Variants in SLC22A23 observed in about 807,000 individuals in gnomAD.
The protein encoded by SLC22A23 is solute carrier family 22 member 23, also known as ion transporter protein.
Under a neutral mutation model 61.0 loss-of-function variants are expected in SLC22A23, and 26 were observed. The ratio of observed to expected loss-of-function variants is 0.43; its 90% CI spans 0.31 to 0.59. SLC22A23 has a LOEUF of 0.59. SLC22A23 is among the 20% of genes least tolerant of loss of function. SLC22A23 has a pLI of 0.11. For missense variants in SLC22A23, 796 were observed against 934.7 expected (o/e 0.85, Z 1.94); for synonymous variants, 430 against 413.9 (o/e 1.04, Z -0.47).
At chr6:3,378,480 T>C (rs1766727009) in intron 3 of SLC22A23, among the ~76,000 whole-genome samples, 1 of 152,146 alleles carries the variant, frequency 6.6e-6, no homozygotes, top group South Asian at 2.1e-4. Flanking sequence ...TGAAAAGCCA[T>C]CACTTCCTCT....
chr6:3,365,607 A>T (rs1278705333), intron 3 of SLC22A23, among the ~76,000 whole-genome samples: 1 of 152,178 alleles, frequency 6.6e-6, no homozygotes, highest in African/African-American at 2.4e-5. Flanking sequence ...TCTGGCAAAG[A>T]GCTAACACTA....
chr6:3,453,450 CGA>C (rs1029755871), intron 1 of SLC22A23, among the ~76,000 whole-genome samples: 6 of 152,044 alleles, frequency 3.9e-5, no homozygotes, highest in Non-Finnish European at 8.8e-5. Context: ...ATGCAGAAGG[CGA>C]GAGAGGCTGG....
chr6:3,376,756 C>T (rs1766595259), intron 3 of SLC22A23, among the ~76,000 whole-genome samples: 1 of 152,124 alleles, frequency 6.6e-6, no homozygotes, highest in Non-Finnish European at 1.5e-5. Flanking sequence ...AGTGAGAAGG[C>T]ATCCTGTAAG....
rs1031870110 is a variant in SLC22A23 at position 3,300,594 on chromosome 6, G to A, written c.1083-2376C>T. ...GACCTCTCAGCCTCCAGAACTGTGA[G>A]CAATAAATTTCTGTTGTTTATAAAT... On this transcript the variant is annotated intron_variant, in intron 4 of 9. Transcript: ENST00000406686. Among the ~76,000 whole-genome samples, 95 of 152,312 alleles carry A rather than the reference G, an allele frequency of 6.2e-4. 1 individual carries two copies. Among genetic ancestry groups the A allele is most frequent in the African/African-American group, 2.2e-3 (92 of 41,564 alleles).
At chr6:3,416,049 T>G (rs1769678112) in intron 1 of SLC22A23, among the ~76,000 whole-genome samples, 194 bp from the exon 2 acceptor site, 1 of 152,222 alleles carries the variant, frequency 6.6e-6, no homozygotes, top group Admixed American at 6.5e-5. Flanking sequence ...CAAAAGGAAA[T>G]GTAACATTTT....
chr6:3,395,450 A>C lies in SLC22A23; in HGVS notation c.913+14738T>G, dbSNP rs1305461922. ...ATCAGCTTCATTAGCAAGAAGAGTA[A>C]TAGGAAAACAGGCAATAACGAATGC... On this transcript the variant is annotated intron_variant, in intron 3 of 9. Transcript: ENST00000406686. Among the ~76,000 whole-genome samples, 3 of 152,250 alleles carry C rather than the reference A, an allele frequency of 2.0e-5. No individual in the cohort carries two copies. In the East Asian group the frequency reaches 5.8e-4, roughly 29 times the overall value.
At chr6:3,450,152 G>C (rs1191993540) in intron 1 of SLC22A23, among the ~76,000 whole-genome samples, 1 of 152,192 alleles carries the variant, frequency 6.6e-6, no homozygotes, top group Non-Finnish European at 1.5e-5. Context: ...GAGACAGAAA[G>C]AAATGTTACT....
At chr6:3,332,664 T>TA (rs1170047931) in intron 3 of SLC22A23, among the ~76,000 whole-genome samples, 1 of 152,132 alleles carries the variant, frequency 6.6e-6, no homozygotes, top group Non-Finnish European at 1.5e-5. Context: ...ATGTCTCTCC[T>TA]AAAAAAGACA....
intron 4 of SLC22A23, among the ~76,000 whole-genome samples, chr6:3,315,295 C>G (rs369489738): frequency 2.6e-5 from 4 of 152,214 alleles, no homozygotes; most frequent in Admixed American, 6.5e-5. Context: ...GCTGGGGAAG[C>G]CTTCCCTTCT....
chr6:3,325,842 G>C (rs980900995), intron 3 of SLC22A23, among the ~76,000 whole-genome samples: 1 of 152,204 alleles, frequency 6.6e-6, no homozygotes, highest in Non-Finnish European at 1.5e-5. Context: ...TTCAGCACTT[G>C]GCCATCCAGG....
In SLC22A23 at chr6:3,328,624, T is replaced by C. The variant is rs1029097900; in HGVS notation, c.914-4622A>G. Among the ~76,000 whole-genome samples, 2 of 152,062 alleles carry C rather than the reference T, an allele frequency of 1.3e-5. No individual in the cohort carries two copies. The highest frequency in any genetic ancestry group is 2.9e-5 in the Non-Finnish European group (2 of 67,990). Reference sequence around the variant, plus strand: ...AAAGACCTGAACATAGGGCCGAGGCTTCCTTGAGGAGGAAGAAGATTCCAC... The same window carrying C: ...AAAGACCTGAACATAGGGCCGAGGCCTCCTTGAGGAGGAAGAAGATTCCAC... On this transcript the variant is annotated intron_variant, in intron 3 of 9. Coordinates refer to ENST00000406686, the MANE Select transcript of SLC22A23 (RefSeq NM_015482.2). This position sits in a 1 kb window ranked among gnomAD's most constrained non-coding sequence, Gnocchi z 5.0.
intron 1 of SLC22A23, among the ~76,000 whole-genome samples, chr6:3,447,005 C>A (rs756560956): frequency 2.0e-5 from 3 of 151,880 alleles, no homozygotes; most frequent in Admixed American, 2.0e-4. Flanking sequence ...CTCCCCACCA[C>A]GCGAGATCTC....
rs111514959 is a variant in SLC22A23, at chr6:3,277,789, C to T, written c.1704-4377G>A. Among the ~76,000 whole-genome samples, 301 of 152,302 alleles carry T rather than the reference C, an allele frequency of 2.0e-3. 3 individuals are homozygous for T. The highest frequency in any genetic ancestry group is 6.6e-3 in the African/African-American group (273 of 41,564). ...TTCCCACCCTTGTGCCTTGAGTGTG[C>T]GCTGGCCCTCAAGGTACAAGGTACA... On this transcript the variant is annotated intron_variant, in intron 9 of 9. Transcript: ENST00000406686.
intron 3 of SLC22A23, among the ~76,000 whole-genome samples, chr6:3,355,890 AAAG>A (rs1765044528): frequency 6.7e-6 from 1 of 149,492 alleles, no homozygotes; most frequent in East Asian, 2.0e-4. Flanking sequence ...GGTATTAAAA[AAAG>A]AAGGAAGTTC....
chr6:3,293,899 C>T (rs976124665), intron 5 of SLC22A23, among the ~76,000 whole-genome samples: 1 of 152,166 alleles, frequency 6.6e-6, no homozygotes, highest in Non-Finnish European at 1.5e-5. Flanking sequence ...TGGGGGCGCT[C>T]GGATCACACA....
chr6:3,339,724 T>A (rs1377273932), intron 3 of SLC22A23, among the ~76,000 whole-genome samples: 1 of 152,172 alleles, frequency 6.6e-6, no homozygotes, highest in African/African-American at 2.4e-5. Flanking sequence ...CGTCAGGAAG[T>A]TACCCTATGT....
At chr6:3,319,965 G>A (rs1194717507) in intron 4 of SLC22A23, among the ~76,000 whole-genome samples, 1 of 152,222 alleles carries the variant, frequency 6.6e-6, no homozygotes. Context: ...CGCCAGCTCT[G>A]GGCTGAGTCC....
At chr6:3,353,446 A>G (rs1336270742) in intron 3 of SLC22A23, among the ~76,000 whole-genome samples, 3 of 152,216 alleles carry the variant, frequency 2.0e-5, no homozygotes, top group South Asian at 2.1e-4. Context: ...GTTTGGCTTC[A>G]GGCCTGAATC....
Position 3,285,221 on chromosome 6 carries a change from G to A in SLC22A23, c.1547-110C>T, listed in dbSNP as rs76419335. ...AGCCTAGCGTGTTCCCATGCGACTTGGTTCAAGCAAACTCCCTTCCGTGTC... is the reference window on the plus strand; with the variant it reads ...AGCCTAGCGTGTTCCCATGCGACTTAGTTCAAGCAAACTCCCTTCCGTGTC... On this transcript the variant is annotated intron_variant, in intron 7 of 9. Coordinates refer to ENST00000406686, the MANE Select transcript of SLC22A23 (RefSeq NM_015482.2). 8.8e-6 allele frequency: 13 copies of A among 1,469,214 alleles called. No homozygotes were observed. In the South Asian group the frequency reaches 1.3e-4, roughly 15 times the overall value. 91.0% of individuals were successfully genotyped at this position (1,469,214 alleles called of 1,614,324 possible).
Sources: gnomAD v4.1 joint callset for allele counts (sites outside exome capture counted in the v4.1 genomes callset) on GRCh38, gnomAD v4.1.1 for gene constraint, Gnocchi (gnomAD v3.1) non-coding constraint, MANE v1.5 for transcripts, NCBI Gene and HGNC (gene_info 2026-07-23, HGNC 2026-07-21) for gene names.